FGF14: variants seen among roughly 807,000 people sequenced by gnomAD.
FGF14 encodes the protein fibroblast growth factor 14.
Under a neutral mutation model 25.5 loss-of-function variants are expected in FGF14, and 5 were observed. The ratio of observed to expected loss-of-function variants is 0.20; its 90% CI spans 0.10 to 0.41. The LOEUF (loss-of-function observed/expected upper bound fraction) is 0.41, where lower values mean the gene tolerates loss of function less well. FGF14 is among the 10% of genes least tolerant of loss of function. The pLI, the probability that FGF14 is intolerant of heterozygous loss-of-function variation, is 1.00. For missense variants in FGF14, 222 were observed against 320.1 expected, an observed-to-expected ratio of 0.69 and a Z score of 2.34; for synonymous variants, 138 against 118.3, an observed-to-expected ratio of 1.17 and a Z score of -1.08.
intron 1 of FGF14, among the ~76,000 whole-genome samples, chr13:102,303,789 A>G (rs868721040): frequency 1.3e-5 from 2 of 152,202 alleles, no homozygotes; most frequent in Admixed American, 1.3e-4. Context: ...CTAGATAATG[A>G]CCTTAGTGTA....
At chr13:102,249,095 C>T (rs1025946700) in intron 1 of FGF14, among the ~76,000 whole-genome samples, 3 of 152,046 alleles carry the variant, frequency 2.0e-5, no homozygotes, top group Non-Finnish European at 2.9e-5. Flanking sequence ...CAGACATAAA[C>T]CCGGAAACGT....
chr13:102,113,706 T>G (rs901714778), intron 1 of FGF14, among the ~76,000 whole-genome samples: 3 of 152,170 alleles, frequency 2.0e-5, no homozygotes, highest in Non-Finnish European at 4.4e-5. Flanking sequence ...GAACCACTGG[T>G]CAAAGGGTTG....
intron 1 of FGF14, among the ~76,000 whole-genome samples, chr13:102,262,782 A>G (rs954242062): frequency 6.6e-6 from 1 of 152,106 alleles, no homozygotes; most frequent in Non-Finnish European, 1.5e-5. Flanking sequence ...TATTGCTTTT[A>G]TTTTGATGCT....
In FGF14 at chr13:102,194,278, T is replaced by A. The variant is rs562663596; in HGVS notation, c.208+207193A>T. On this transcript the variant is annotated intron_variant, in intron 1 of 4. Coordinates refer to the FGF14 transcript ENST00000376131. ...TAAATGCTTTATTTTTCTCTTTTTT[T>A]AATTTAATTTTAATTTCTGGGATAC... Among the ~76,000 whole-genome samples the A allele has an allele frequency of 2.2e-4, 34 of 152,298 alleles. 1 individual carries two copies. The East Asian group carries it at 5.2e-3, about 23-fold the overall frequency.
At chr13:101,768,169 T>A (rs933636623) in intron 3 of FGF14, among the ~76,000 whole-genome samples, 11 of 151,948 alleles carry the variant, frequency 7.2e-5, no homozygotes, top group African/African-American at 2.7e-4. Context: ...AAAATCATAC[T>A]CTGAAAAGAC....
intron 1 of FGF14, among the ~76,000 whole-genome samples, chr13:102,303,148 C>T (rs1178100066): frequency 3.3e-5 from 5 of 152,266 alleles, no homozygotes; most frequent in South Asian, 2.1e-4. Context: ...GGCATCTCTG[C>T]GCTGGCTGCT....
chr13:102,087,977 T>C (rs2044003226), intron 1 of FGF14, among the ~76,000 whole-genome samples: 1 of 152,224 alleles, frequency 6.6e-6, no homozygotes, highest in African/African-American at 2.4e-5. Context: ...TACTTCTCTA[T>C]ATGTATGTAA....
intron 1 of FGF14, among the ~76,000 whole-genome samples, chr13:101,883,333 T>G (rs890785525): frequency 1.3e-5 from 2 of 152,192 alleles, no homozygotes; most frequent in African/African-American, 4.8e-5. Flanking sequence ...TCTAGAATTC[T>G]GCAACACAGC....
chr13:101,886,190 G>A (rs529014203), intron 1 of FGF14, among the ~76,000 whole-genome samples: 2 of 152,136 alleles, frequency 1.3e-5, no homozygotes, highest in Non-Finnish European at 2.9e-5. Context: ...TAATTTATAT[G>A]ATGTCACTGG....
At chr13:102,106,632 GAGAA>G (rs1347235922) in intron 1 of FGF14, among the ~76,000 whole-genome samples, 6 of 150,862 alleles carry the variant, frequency 4.0e-5, no homozygotes, top group African/African-American at 1.5e-4. Flanking sequence ...AAGAGAGAGA[GAGAA>G]AGAAAGAAAA....
intron 1 of FGF14, among the ~76,000 whole-genome samples, chr13:101,950,760 T>TG (rs1325646093): frequency 2.0e-5 from 3 of 151,642 alleles, no homozygotes; most frequent in Non-Finnish European, 4.4e-5. Context: ...TGTTTTTTTT[T>TG]TTTTTTTTTT....
chr13:102,123,647 C>A (rs891741661), intron 1 of FGF14, among the ~76,000 whole-genome samples: 1 of 152,040 alleles, frequency 6.6e-6, no homozygotes, highest in African/African-American at 2.4e-5. Context: ...TACTTTGCAA[C>A]TTTCATATTG....
At chr13:102,055,646 G>A (rs1291038030) in intron 1 of FGF14, among the ~76,000 whole-genome samples, 1 of 152,184 alleles carries the variant, frequency 6.6e-6, no homozygotes. Context: ...AAGGAGACAT[G>A]CGTACTTCTG....
chr13:101,990,084 T>C (rs150736543), intron 1 of FGF14, among the ~76,000 whole-genome samples: 11 of 152,222 alleles, frequency 7.2e-5, no homozygotes, highest in Admixed American at 7.2e-4. Context: ...ACAATATGAG[T>C]CAAAACTCGG....
chr13:102,202,078 G>T lies in FGF14; in HGVS notation c.208+199393C>A, dbSNP rs549650927. 2.0e-5 allele frequency among the ~76,000 whole-genome samples: 3 copies of T among 152,264 alleles called. No individual in the cohort carries two copies. In the East Asian group the frequency reaches 5.8e-4, roughly 29 times the overall value. ...TCTTTTCCTCCTGCTCCTGCCATGT[G>T]AAGTGCTGCCTCCCCCTTCGCCTTC... On this transcript the variant is annotated intron_variant, in intron 1 of 4. Coordinates refer to the FGF14 transcript ENST00000376131.
chr13:102,006,214 C>T (rs189800046), intron 1 of FGF14, among the ~76,000 whole-genome samples: 236 of 152,276 alleles, frequency 1.5e-3, no homozygotes, highest in African/African-American at 5.4e-3. Flanking sequence ...ATTATATTTG[C>T]AACTTCATGT....
intron 1 of FGF14, among the ~76,000 whole-genome samples, chr13:102,050,552 A>G (rs2042173685): frequency 1.3e-5 from 2 of 152,210 alleles, no homozygotes; most frequent in South Asian, 4.1e-4. Flanking sequence ...TTGAGAAACA[A>G]AATTAATTAA....
chr13:102,113,138 G>A (rs1157197653), intron 1 of FGF14, among the ~76,000 whole-genome samples: 1 of 152,170 alleles, frequency 6.6e-6, no homozygotes, highest in African/African-American at 2.4e-5. Flanking sequence ...CTTACTTTAA[G>A]ATCTAAGTTC....
rs954673673 is a variant in FGF14 at position 101,715,848 on chromosome 13, G to GA, written c.*6982dup. The GA allele has an allele frequency of 6.4e-5, 29 of 453,588 alleles. No homozygotes were observed. Among genetic ancestry groups the GA allele is most frequent in the African/African-American group, 1.0e-4 (5 of 49,638 alleles). The allele number at this position is 453,588 out of a possible 1,614,324, so 28.1% of individuals were successfully genotyped here. ...GCAAATTTAGATGCAAATAACATTA[G>GA]AAAAAAAAGATTCTTCCATAATTAA... On this transcript the variant is annotated 3_prime_UTR_variant, in exon 5 of 5. Transcript: ENST00000376143.
Sources: gnomAD v4.1 joint callset for allele counts (sites outside exome capture counted in the v4.1 genomes callset) on GRCh38, gnomAD v4.1.1 for gene constraint, MANE v1.5 for transcripts, NCBI Gene and HGNC (gene_info 2026-07-23, HGNC 2026-07-21) for gene names.